IKZF1: variants seen among roughly 807,000 people sequenced by gnomAD.
IKZF1 encodes the protein DNA-binding protein Ikaros.
In IKZF1, 10 loss-of-function variants were observed where a neutral mutation model predicts 51.7. That is an observed-to-expected ratio of 0.19 (90% CI 0.12 to 0.33). The LOEUF is 0.33. Ranked by LOEUF, IKZF1 falls within the 10% of genes least tolerant of loss-of-function variation. The pLI is 1.00. For missense variants in IKZF1, 484 were observed against 707.5 expected (o/e 0.68, Z 3.58); for synonymous variants, 280 against 282.3 (o/e 0.99, Z 0.08).
chr7:50,353,252 G>T (rs1802333365), intron 3 of IKZF1, among the ~76,000 whole-genome samples: 1 of 152,164 alleles, frequency 6.6e-6, no homozygotes, highest in Non-Finnish European at 1.5e-5. Flanking sequence ...AAGCTTCCAG[G>T]GCACTTGCAT....
rs1818763564 is a variant in IKZF1 at position 50,404,947 on chromosome 7, A to G, written c.*4320A>G. The G allele has an allele frequency of 4.8e-6, 1 of 210,254 alleles. No individual in the cohort carries two copies. The highest frequency in any genetic ancestry group is 2.3e-5 in the African/African-American group (1 of 43,980). 13.0% of individuals were successfully genotyped at this position (210,254 alleles called of 1,614,324 possible). On this transcript the variant is annotated 3_prime_UTR_variant, in exon 8 of 8. Transcript: ENST00000331340. ...GTGGGGTAAATTTAAAAGTCAAGTT[A>G]TAGTTTGGATGTTAGTATAGAATTT... is the stretch of plus-strand genomic sequence containing the variant.
chr7:50,341,516 C>T lies in IKZF1; in HGVS notation c.160+13759C>T, dbSNP rs1428912293. On this transcript the variant is annotated intron_variant, in intron 3 of 7. Coordinates refer to ENST00000331340, the MANE Select transcript of IKZF1 (RefSeq NM_006060.6). Reference sequence around the variant, plus strand: ...CTTTATGCCTTATGAGACGCAACAACGTTGAACAGTCATTGTTTGAGGGAC... The same window carrying T: ...CTTTATGCCTTATGAGACGCAACAATGTTGAACAGTCATTGTTTGAGGGAC... Among the ~76,000 whole-genome samples the T allele has an allele frequency of 2.6e-5, 4 of 152,030 alleles. No individual in the cohort carries two copies. The East Asian group carries it at 5.8e-4, about 22-fold the overall frequency.
In IKZF1 at chr7:50,318,040, A is replaced by G. The variant is rs555300236; in HGVS notation, c.-14-1008A>G. On this transcript the variant is annotated intron_variant, in intron 1 of 7. Transcript: ENST00000331340. ...CTGAAAGTCATATACCAGAGCATAA[A>G]TGAGCAGATTTCCTTGAGGTCACCT... Among the ~76,000 whole-genome samples the G allele has an allele frequency of 3.9e-5, 6 of 152,316 alleles. No individual in the cohort carries two copies. In the South Asian group the frequency reaches 1.0e-3, roughly 26 times the overall value.
At chr7:50,341,459 A>G (rs1444741187) in intron 3 of IKZF1, among the ~76,000 whole-genome samples, 2 of 152,268 alleles carry the variant, frequency 1.3e-5, no homozygotes, top group East Asian at 3.9e-4. Flanking sequence ...GAGTCTTTCT[A>G]ATCAGGACAT....
intron 2 of IKZF1, among the ~76,000 whole-genome samples, chr7:50,326,724 A>G (rs981532151): frequency 6.6e-6 from 1 of 152,172 alleles, no homozygotes; most frequent in Non-Finnish European, 1.5e-5. Flanking sequence ...ATTTGTGTGG[A>G]TTATATTTTA....
rs374464046 is a variant in IKZF1 at position 50,353,122 on chromosome 7, G to A, written c.161-23411G>A. ...AGAAAGAGCTGGAGAAGCCTGAGGG[G>A]CTGCCCAGTGAGTGGTCTGCTAGGA... On this transcript the variant is annotated intron_variant, in intron 3 of 7. Transcript: ENST00000331340. Among the ~76,000 whole-genome samples, 189 of 77,712 alleles carry A rather than the reference G, an allele frequency of 2.4e-3. 1 individual carries two copies. The highest frequency in any genetic ancestry group is 0.013 in the African/African-American group (176 of 13,644). 51.0% of individuals were successfully genotyped at this position (77,712 alleles called of 152,430 possible). A position where few individuals can be genotyped will look rare whatever the true frequency, so the allele number is the denominator to read the frequency against.
chr7:50,346,391 C>T (rs1032765370), intron 3 of IKZF1, among the ~76,000 whole-genome samples: 13 of 152,330 alleles, frequency 8.5e-5, no homozygotes, highest in African/African-American at 3.1e-4. Context: ...GCCAGCCCTG[C>T]AGATGTCTGC....
rs1440958492 is a variant in IKZF1, at chr7:50,402,232, C to T, written c.*1605C>T. 4.3e-6 allele frequency: 1 copy of T among 230,584 alleles called. No homozygotes were observed. The highest frequency in any genetic ancestry group is 6.1e-5 in the East Asian group (1 of 16,352). 14.3% of individuals were successfully genotyped at this position (230,584 alleles called of 1,614,324 possible). On this transcript the variant is annotated 3_prime_UTR_variant, in exon 8 of 8. Coordinates refer to ENST00000331340, the MANE Select transcript of IKZF1 (RefSeq NM_006060.6). Reference sequence around the variant, plus strand: ...AAATATTTACAGTACTTGTCTTCACCAACACTGTCCCAAGGTGAAATGAAG... The same window carrying T: ...AAATATTTACAGTACTTGTCTTCACTAACACTGTCCCAAGGTGAAATGAAG...
At chr7:50,371,485 C>T (rs916178667) in intron 3 of IKZF1, among the ~76,000 whole-genome samples, 2 of 152,232 alleles carry the variant, frequency 1.3e-5, no homozygotes, top group African/African-American at 2.4e-5. Flanking sequence ...GAACTCCTCA[C>T]TCCTTGAATG....
At chr7:50,363,940 T>A (rs1241114844) in intron 3 of IKZF1, among the ~76,000 whole-genome samples, 2 of 152,210 alleles carry the variant, frequency 1.3e-5, no homozygotes, top group Non-Finnish European at 2.9e-5. Context: ...ATTGCCAAGG[T>A]ACCACAAACC....
chr7:50,340,922 G>C, intron 3 of IKZF1, among the ~76,000 whole-genome samples: 1 of 152,180 alleles, frequency 6.6e-6, no homozygotes, highest in East Asian at 1.9e-4. Context: ...TTTACTCGCA[G>C]TTTTAAAGCA....
In IKZF1 at chr7:50,391,826, C is replaced by T. The variant is rs375111826; in HGVS notation, c.813C>T (p.Val271=). ...SLVLDRLASN[V]AKRKSSMPQK... is the part of the protein sequence containing the mutation. Reference sequence around the variant, plus strand: ...TGCTGGACAGACTAGCAAGTAACGTCGCCAAACGTAAGAGCTCTATGCCTC... The same window carrying T: ...TGCTGGACAGACTAGCAAGTAACGTTGCCAAACGTAAGAGCTCTATGCCTC... Residue 271 remains valine, a synonymous_variant, in exon 7 of 8, where the codon GTC becomes GTT. Coordinates refer to ENST00000331340, the MANE Select transcript of IKZF1 (RefSeq NM_006060.6). The T allele has an allele frequency of 1.4e-5, 22 of 1,613,642 alleles. No homozygotes were observed. The highest frequency in any genetic ancestry group is 8.0e-5 in the African/African-American group (6 of 74,854).
intron 2 of IKZF1, among the ~76,000 whole-genome samples, chr7:50,319,837 A>G (rs1204707639): frequency 6.6e-6 from 1 of 152,212 alleles, no homozygotes; most frequent in Non-Finnish European, 1.5e-5. Context: ...GCTGACTTAT[A>G]TTTGAGAAAG....
At chr7:50,367,792 G>C (rs758739332) in intron 3 of IKZF1, 3 of 542,238 alleles carry the variant, frequency 5.5e-6, no homozygotes, top group Non-Finnish European at 9.8e-6. Context: ...ATATAATGCT[G>C]TGAGTTGACA....
At chr7:50,313,479 C>G (rs1790684481) in intron 1 of IKZF1, among the ~76,000 whole-genome samples, 3 of 152,184 alleles carry the variant, frequency 2.0e-5, no homozygotes, top group South Asian at 4.1e-4. Context: ...CAGAGTATTA[C>G]AAAGATCATG....
At chr7:50,353,128 CA>C (rs1562805148) in intron 3 of IKZF1, among the ~76,000 whole-genome samples, 5 of 151,544 alleles carry the variant, frequency 3.3e-5, no homozygotes, top group Non-Finnish European at 5.9e-5. Flanking sequence ...AGGGGCTGCC[CA>C]GTGAGTGGTC....
chr7:50,390,917 G>A (rs966729376), intron 6 of IKZF1, among the ~76,000 whole-genome samples: 1 of 152,138 alleles, frequency 6.6e-6, no homozygotes, highest in African/African-American at 2.4e-5. Context: ...GAACGGTATT[G>A]GAAGAATTGA....
At position 50,400,834 on chromosome 7, in the gene IKZF1, T is replaced by A. The variant is rs1585041977; in HGVS notation, c.*207T>A. 1 of 663,864 alleles carries A rather than the reference T, an allele frequency of 1.5e-6. No individual in the cohort carries two copies. The highest frequency in any genetic ancestry group is 2.8e-5 in the East Asian group (1 of 35,512). The allele number at this position is 663,864 out of a possible 1,614,324, so 41.1% of individuals were successfully genotyped here. A position where few individuals can be genotyped will look rare whatever the true frequency, so the allele number is the denominator to read the frequency against. On this transcript the variant is annotated 3_prime_UTR_variant, in exon 8 of 8. Coordinates refer to ENST00000331340, the MANE Select transcript of IKZF1 (RefSeq NM_006060.6). This position sits in a 1 kb window ranked among gnomAD's most constrained non-coding sequence, Gnocchi z 5.4. ...AGATTTTTATTTTTAGAGGCAGGGC[T>A]GCATTGGGAGCATCCAGAACTGCTA... is the stretch of plus-strand genomic sequence containing the variant.
intron 7 of IKZF1, among the ~76,000 whole-genome samples, chr7:50,396,990 C>T (rs1375703147): frequency 1.3e-5 from 2 of 152,316 alleles, no homozygotes; most frequent in East Asian, 3.9e-4. Flanking sequence ...CCATGTTCAT[C>T]TGATTCTTGT....
Sources: allele counts gnomAD v4.1 joint callset (sites outside exome capture counted in the v4.1 genomes callset), GRCh38; gene constraint gnomAD v4.1.1; non-coding constraint Gnocchi (gnomAD v3.1); transcripts MANE v1.5; gene names NCBI Gene and HGNC (gene_info 2026-07-23, HGNC 2026-07-21).